The following PTPRD variants were observed in gnomAD, a reference collection of about 807,000 sequenced individuals.
PTPRD encodes the protein receptor-type tyrosine-protein phosphatase delta.
A neutral mutation model predicts 214.5 loss-of-function variants in PTPRD; 34 were observed. The observed-to-expected ratio is 0.16, with a 90% CI of 0.12 to 0.21. The LOEUF (loss-of-function observed/expected upper bound fraction) is 0.21. Among genes scored for constraint, PTPRD ranks in the 10% least tolerant of loss-of-function variants. PTPRD has a pLI of 1.00. For synonymous variants in PTPRD, 1,128 were observed against 845.7 expected, an observed-to-expected ratio of 1.33 and a Z score of -5.79; for missense variants, 2,545 against 2,398.7, an observed-to-expected ratio of 1.06 and a Z score of -1.27.
intron 2 of PTPRD, among the ~76,000 whole-genome samples, chr9:10,362,056 C>T (rs1203196857): frequency 6.6e-6 from 1 of 152,152 alleles, no homozygotes; most frequent in Non-Finnish European, 1.5e-5. Flanking sequence ...TCTTCTCCAT[C>T]AACATCTAGT....
chr9:8,756,502 C>T (rs10116862), intron 11 of PTPRD, among the ~76,000 whole-genome samples: 7,668 of 152,146 alleles, frequency 0.05, 468 homozygotes, highest in African/African-American at 0.15. Context: ...TCAAAGGAGA[C>T]TGTGGTATCC....
intron 5 of PTPRD, among the ~76,000 whole-genome samples, chr9:9,801,353 A>G (rs760938722): frequency 9.2e-5 from 14 of 151,738 alleles, no homozygotes; most frequent in Non-Finnish European, 2.1e-4. Flanking sequence ...AAAAAAAGTA[A>G]CTTTCAGTAT....
intron 14 of PTPRD, among the ~76,000 whole-genome samples, chr9:8,623,784 T>C (rs72698241): frequency 0.14 from 21,832 of 151,650 alleles, 1,611 homozygotes; most frequent in South Asian, 0.2. Context: ...GCAAAACAAA[T>C]AGTGAAGTTA....
intron 11 of PTPRD, among the ~76,000 whole-genome samples, chr9:8,802,863 G>A (rs765598734): frequency 1.3e-5 from 2 of 152,068 alleles, no homozygotes; most frequent in Non-Finnish European, 2.9e-5. Context: ...AGCAGCCTGG[G>A]CAACAGAGCA....
At position 10,425,058 on chromosome 9, in the gene PTPRD, T is replaced by G. The variant is rs528945907; in HGVS notation, c.-599-84041A>C. 3.9e-4 allele frequency among the ~76,000 whole-genome samples: 59 copies of G among 152,106 alleles called. No individual in the cohort carries two copies. The Middle Eastern group carries it at 0.02, about 53-fold the overall frequency. ...TATATATAGGGTTTATAGTTTTACA[T>G]GTAAATCCATATATTTCAGAACAAT... is the stretch of plus-strand genomic sequence containing the variant. On this transcript the variant is annotated intron_variant, in intron 2 of 45. Coordinates refer to ENST00000381196, the MANE Select transcript of PTPRD (RefSeq NM_002839.4).
chr9:8,422,147 CAAAAAAAAAAA>C (rs768623202), intron 35 of PTPRD, among the ~76,000 whole-genome samples: 7 of 33,992 alleles, frequency 2.1e-4, no homozygotes, highest in Admixed American at 5.3e-4. Context: ...ACCCTGTCTC[CAAAAAAAAAAA>C]AAAAAAAAAA....
chr9:10,566,510 C>T (rs115239633), intron 2 of PTPRD, among the ~76,000 whole-genome samples: 8 of 151,904 alleles, frequency 5.3e-5, no homozygotes, highest in South Asian at 4.2e-4. Flanking sequence ...CTGGTTATTT[C>T]GATTTCCTCT....
At position 8,602,228 on chromosome 9, in the gene PTPRD, C is replaced by T. The variant is rs777707387; in HGVS notation, c.352+31089G>A. On this transcript the variant is annotated intron_variant, in intron 14 of 45. Coordinates refer to ENST00000381196, the MANE Select transcript of PTPRD (RefSeq NM_002839.4). ...TGAGCCAATAGTTCTAAATAGAAAA[C>T]TGTGAACATGTTTTCACAATTAAGG... is the stretch of plus-strand genomic sequence containing the variant. Among the ~76,000 whole-genome samples, 16 of 152,180 alleles carry T rather than the reference C, an allele frequency of 1.1e-4. 1 individual carries two copies. Among genetic ancestry groups the T allele is most frequent in the Non-Finnish European group, 4.4e-5 (3 of 68,026 alleles).
chr9:8,872,697 C>G lies in PTPRD; in HGVS notation c.-103-138751G>C, dbSNP rs1257361956. ...CTGTTATCACTTTTTAAAAATAAAT[C>G]TATCATTCTTTCTTTCTTATCTTTA... On this transcript the variant is annotated intron_variant, in intron 11 of 45. Coordinates refer to ENST00000381196, the MANE Select transcript of PTPRD (RefSeq NM_002839.4). Among the ~76,000 whole-genome samples, 4 of 152,154 alleles carry G rather than the reference C, an allele frequency of 2.6e-5. No individual in the cohort carries two copies. In the East Asian group the frequency reaches 7.7e-4, roughly 29 times the overall value.
intron 23 of PTPRD, among the ~76,000 whole-genome samples, chr9:8,503,336 C>T (rs2097457823): frequency 6.6e-6 from 1 of 152,028 alleles, no homozygotes; most frequent in African/African-American, 2.4e-5. Flanking sequence ...TGTATTTCTA[C>T]TACAGATATC....
At chr9:8,900,305 T>C (rs2098657169) in intron 11 of PTPRD, among the ~76,000 whole-genome samples, 1 of 152,198 alleles carries the variant, frequency 6.6e-6, no homozygotes, top group South Asian at 2.1e-4. Flanking sequence ...AAAATATTTG[T>C]GCACAGGAAT....
At chr9:9,300,922 A>C (rs1463047736) in intron 9 of PTPRD, among the ~76,000 whole-genome samples, 14 of 151,826 alleles carry the variant, frequency 9.2e-5, no homozygotes, top group Admixed American at 9.2e-4. Flanking sequence ...TATAATGTGC[A>C]ATTATCTACC....
intron 5 of PTPRD, among the ~76,000 whole-genome samples, chr9:9,868,651 G>T (rs1196930555): frequency 6.6e-6 from 1 of 151,626 alleles, no homozygotes; most frequent in Non-Finnish European, 1.5e-5. Flanking sequence ...AGTGTAACAG[G>T]GTTTGGCTAG....
Position 9,009,914 on chromosome 9 carries a change from A to G in PTPRD, c.-104+8783T>C, listed in dbSNP as rs139032531. On this transcript the variant is annotated intron_variant, in intron 11 of 45. Coordinates refer to ENST00000381196, the MANE Select transcript of PTPRD (RefSeq NM_002839.4). ...AAGGAGTTATGAGAATTTTAGGTTGACTTGGTGCCTCTACGGAGGGATCCT... is the reference window on the plus strand; with the variant it reads ...AAGGAGTTATGAGAATTTTAGGTTGGCTTGGTGCCTCTACGGAGGGATCCT... Among the ~76,000 whole-genome samples, 289 of 152,184 alleles carry G rather than the reference A, an allele frequency of 1.9e-3. 2 individuals are homozygous for G. Among genetic ancestry groups the G allele is most frequent in the African/African-American group, 6.8e-3 (282 of 41,532 alleles).
At chr9:9,996,488 T>C (rs2096127415) in intron 4 of PTPRD, among the ~76,000 whole-genome samples, 1 of 152,214 alleles carries the variant, frequency 6.6e-6, no homozygotes. Flanking sequence ...GGAAGACTTA[T>C]GCCTGGGCAA....
At chr9:9,009,283 A>C (rs1344111524) in intron 11 of PTPRD, among the ~76,000 whole-genome samples, 1 of 152,196 alleles carries the variant, frequency 6.6e-6, no homozygotes, top group Non-Finnish European at 1.5e-5. Flanking sequence ...AATTAATAAA[A>C]GTTGACTAGT....
At chr9:9,575,055 C>G (rs118177799) in intron 7 of PTPRD, among the ~76,000 whole-genome samples, 2,710 of 137,230 alleles carry the variant, frequency 0.02, 45 homozygotes, top group Admixed American at 0.028. Flanking sequence ...AAGACTATAG[C>G]TGATGGATAA....
rs112546934 is a variant in PTPRD, at chr9:9,811,308, G to C, written c.-367-44457C>G. 1.6e-3 allele frequency among the ~76,000 whole-genome samples: 240 copies of C among 152,318 alleles called. 2 individuals carry two copies. The highest frequency in any genetic ancestry group is 5.6e-3 in the African/African-American group (232 of 41,582). ...GAAAGAAGAAACTACAGATGTGGTA[G>C]AAATGCAAGAGAACTAGAACTACAA... On this transcript the variant is annotated intron_variant, in intron 5 of 45. Coordinates refer to ENST00000381196, the MANE Select transcript of PTPRD (RefSeq NM_002839.4).
intron 11 of PTPRD, among the ~76,000 whole-genome samples, chr9:8,764,204 C>T (rs1413179419): frequency 2.6e-5 from 4 of 152,146 alleles, no homozygotes; most frequent in Non-Finnish European, 4.4e-5. Context: ...GTATGTGAAA[C>T]ATGCTTTTTC....
Sources: allele counts gnomAD v4.1 joint callset (sites outside exome capture counted in the v4.1 genomes callset), GRCh38; gene constraint gnomAD v4.1.1; transcripts MANE v1.5; gene names NCBI Gene and HGNC (gene_info 2026-07-23, HGNC 2026-07-21).